Variants in PTGR1 observed in about 807,000 individuals in gnomAD.
PTGR1 encodes the protein 15-oxoprostaglandin 13-reductase.
In PTGR1, 23 loss-of-function variants were observed where a neutral mutation model predicts 37.7. That is an observed-to-expected ratio of 0.61 (90% CI 0.44 to 0.86). The LOEUF is 0.86. PTGR1 is among the 40% of genes least tolerant of loss of function. The pLI, the probability that PTGR1 is intolerant of heterozygous loss-of-function variation, is 0.00. For synonymous variants in PTGR1, 134 were observed against 140.0 expected, an observed-to-expected ratio of 0.96 and a Z score of 0.30; for missense variants, 351 against 394.3, an observed-to-expected ratio of 0.89 and a Z score of 0.93.
intron 2 of PTGR1, among the ~76,000 whole-genome samples, chr9:111,595,000 G>A (rs765993692): frequency 6.6e-5 from 10 of 151,452 alleles, no homozygotes; most frequent in South Asian, 2.1e-4. Context: ...GATTACAGGC[G>A]CCCACCACTG....
intron 9 of PTGR1, among the ~76,000 whole-genome samples, chr9:111,569,610 A>G (rs2132344920): frequency 6.6e-6 from 1 of 152,270 alleles, no homozygotes; most frequent in Non-Finnish European, 1.5e-5. Flanking sequence ...CTAAAAATAC[A>G]AAAAGTTAGC....
intron 4 of PTGR1, chr9:111,589,252 G>T: frequency 3.2e-6 from 1 of 309,498 alleles, no homozygotes; most frequent in Non-Finnish European, 4.7e-6. Flanking sequence ...ATGAATAAAT[G>T]GAGAAGCATA....
intron 9 of PTGR1, chr9:111,564,163 C>T (rs927910588): frequency 4.4e-6 from 4 of 901,682 alleles, no homozygotes; most frequent in South Asian, 3.7e-5. Context: ...TTACCTGATA[C>T]AAGTTTTTCG....
intron 7 of PTGR1, among the ~76,000 whole-genome samples, chr9:111,575,088 G>T (rs1474742965): frequency 1.2e-4 from 18 of 152,118 alleles, no homozygotes; most frequent in Admixed American, 1.2e-3. Context: ...ATCACCTGAG[G>T]TCAGGCGTTC....
chr9:111,594,188 G>A (rs765167355), intron 3 of PTGR1, 34 bp downstream of exon 3: 2 of 1,579,916 alleles, frequency 1.3e-6, no homozygotes, highest in East Asian at 2.2e-5. Context: ...ATTTAACACA[G>A]CATTAGCATT....
chr9:111,577,514 A>T (rs889515288), intron 7 of PTGR1: 1 of 152,210 alleles, frequency 6.6e-6, no homozygotes, highest in Non-Finnish European at 1.5e-5. Flanking sequence ...ATGAATGTTC[A>T]TAGTAACATT....
Position 111,578,321 on chromosome 9 carries a change from TC to T in PTGR1, c.651+474del, listed in dbSNP as rs1437318027. Among the ~76,000 whole-genome samples the T allele has an allele frequency of 5.3e-5, 8 of 152,228 alleles. No individual in the cohort carries two copies. The East Asian group carries it at 1.4e-3, about 26-fold the overall frequency. On this transcript the variant is annotated intron_variant, in intron 7 of 9. Coordinates refer to ENST00000407693, the MANE Select transcript of PTGR1 (RefSeq NM_001146108.2). Reference sequence around the variant, plus strand: ...CATTGTGTTTATTGTGCACTTTATTTCTATTATTATTGCAATGTAATATACA... The same window carrying T: ...CATTGTGTTTATTGTGCACTTTATTTTATTATTATTGCAATGTAATATACA...
At chr9:111,566,198 A>G (rs901538254) in intron 9 of PTGR1, among the ~76,000 whole-genome samples, 1 of 151,794 alleles carries the variant, frequency 6.6e-6, no homozygotes, top group Non-Finnish European at 1.5e-5. Flanking sequence ...GTGAGCCTCC[A>G]TGTCAAAAAT....
intron 2 of PTGR1, among the ~76,000 whole-genome samples, chr9:111,596,848 A>C (rs1379501294): frequency 6.9e-6 from 1 of 145,816 alleles, no homozygotes; most frequent in Admixed American, 7.1e-5. Context: ...AATCGCTTGG[A>C]CCCAGAAGGC....
chr9:111,561,012 GAGAGA>G, downstream of PTGR1, among the ~76,000 whole-genome samples: 3 of 95,354 alleles, frequency 3.1e-5, no homozygotes, highest in Admixed American at 1.1e-4. Flanking sequence ...GAGAGAGAGA[GAGAGA>G]GGTGGCAGTG....
intron 6 of PTGR1, among the ~76,000 whole-genome samples, chr9:111,580,515 G>A (rs768025708): frequency 3.3e-5 from 5 of 152,120 alleles, no homozygotes; most frequent in Non-Finnish European, 7.4e-5. Flanking sequence ...CAGCACTTTG[G>A]GGGGCTGAGG....
At chr9:111,569,591 C>T (rs1307337428) in intron 9 of PTGR1, among the ~76,000 whole-genome samples, 1 of 152,158 alleles carries the variant, frequency 6.6e-6, no homozygotes, top group Admixed American at 6.6e-5. Context: ...TGACGAAAAC[C>T]TGTCTCTACT....
intron 9 of PTGR1, among the ~76,000 whole-genome samples, chr9:111,569,511 C>T (rs1828715252): frequency 6.6e-6 from 1 of 152,176 alleles, no homozygotes; most frequent in Admixed American, 6.5e-5. Context: ...GGTGCGGTGG[C>T]TCACAACTGT....
At chr9:111,557,439 T>C (rs1828156606) in intron 9 of PTGR1, among the ~76,000 whole-genome samples, 1 of 61,648 alleles carries the variant, frequency 1.6e-5, no homozygotes, top group Non-Finnish European at 3.3e-5. Context: ...GGAAAACTCA[T>C]TATCTTTTTT....
Position 111,570,185 on chromosome 9 carries a change from T to C in PTGR1, c.785A>G (p.Tyr262Cys). The C allele has an allele frequency of 5.0e-6, 8 of 1,614,008 alleles. No homozygotes were observed. The highest frequency in any genetic ancestry group is 6.8e-6 in the Non-Finnish European group (8 of 1,179,996). Residue 262 changes from tyrosine to cysteine, a missense_variant, in exon 9 of 10, where the codon TAT becomes TGT. By Grantham distance (194) the Tyr-to-Cys change is radical. Coordinates refer to ENST00000407693, the MANE Select transcript of PTGR1 (RefSeq NM_001146108.2). ...PPGPPPEIVI[Y>C]QELRMEAFVV... ...AAAAGCTTCCATGCGAAGCTCCTGA[T>C]AGATAACAATCTCTGGGGGTGGGCC... is the stretch of plus-strand genomic sequence containing the variant.
chr9:111,581,295 C>T (rs922128017), intron 6 of PTGR1, among the ~76,000 whole-genome samples: 1 of 152,082 alleles, frequency 6.6e-6, no homozygotes, highest in Non-Finnish European at 1.5e-5. Context: ...ACAGAATGAA[C>T]ATATACCATT....
intron 9 of PTGR1, among the ~76,000 whole-genome samples, chr9:111,553,183 A>T (rs1828021553): frequency 6.6e-6 from 1 of 152,182 alleles, no homozygotes; most frequent in Non-Finnish European, 1.5e-5. Context: ...ATGTATCTTT[A>T]ACACTTTTGA....
chr9:111,558,892 C>G (rs552130475), downstream of PTGR1, among the ~76,000 whole-genome samples: 2 of 152,288 alleles, frequency 1.3e-5, no homozygotes, highest in South Asian at 4.1e-4. Flanking sequence ...CTTCCCTTAT[C>G]TTTAATTTAC....
intron 7 of PTGR1, among the ~76,000 whole-genome samples, chr9:111,575,941 T>C (rs930633120): frequency 6.6e-6 from 1 of 151,772 alleles, no homozygotes; most frequent in African/African-American, 2.4e-5. Context: ...AAGAATACCA[T>C]CAAGAAAGTG....
Sources: gnomAD v4.1 joint callset for allele counts (sites outside exome capture counted in the v4.1 genomes callset) on GRCh38, gnomAD v4.1.1 for gene constraint, MANE v1.5 for transcripts, NCBI Gene and HGNC (gene_info 2026-07-23, HGNC 2026-07-21) for gene names.